The following VPS35 variants were observed in gnomAD, a reference collection of about 807,000 sequenced individuals.
VPS35 encodes the protein vacuolar protein sorting-associated protein 35.
Under a neutral mutation model 98.1 loss-of-function variants are expected in VPS35, and 21 were observed. That is an observed-to-expected ratio of 0.21 (90% CI 0.15 to 0.31). The LOEUF (loss-of-function observed/expected upper bound fraction) is 0.31, where lower values mean the gene tolerates loss of function less well. Among genes scored for constraint, VPS35 ranks in the 10% least tolerant of loss-of-function variants. The pLI is 1.00. For synonymous variants in VPS35, 268 were observed against 318.2 expected (o/e 0.84, Z 1.68); for missense variants, 554 against 950.8 (o/e 0.58, Z 5.49).
rs910180909 is a variant in VPS35, at chr16:46,688,745, G to A, written c.3+386C>T. The stretch of plus-strand genomic sequence containing the variant: ...GGGCGGGTCCCGGCGCCACCTCCGA[G>A]TCTCAGGGCCTCCACGCGCCCCGGG... On this transcript the variant is annotated intron_variant, in intron 1 of 16. Transcript: ENST00000299138. The A allele has an allele frequency of 5.7e-6, 7 of 1,218,306 alleles. No individual in the cohort carries two copies. The South Asian group carries it at 1.5e-4, about 27-fold the overall frequency. 75.5% of individuals were successfully genotyped at this position (1,218,306 alleles called of 1,614,324 possible).
chr16:46,674,774 G>A (rs1966120172), intron 8 of VPS35, 114 bp from the exon 9 acceptor site: 11 of 1,070,026 alleles, frequency 1.0e-5, no homozygotes, highest in Middle Eastern at 3.0e-4. Flanking sequence ...AGCCCAAAAG[G>A]TTTTTGTTTT....
intron 8 of VPS35, among the ~76,000 whole-genome samples, chr16:46,675,238 T>C (rs1430162806): frequency 6.6e-6 from 1 of 152,054 alleles, no homozygotes; most frequent in Non-Finnish European, 1.5e-5. Flanking sequence ...AGAAATGCAT[T>C]AAAGTGACAA....
At chr16:46,670,590 G>A (rs551457398) in intron 12 of VPS35, among the ~76,000 whole-genome samples, 1 of 152,152 alleles carries the variant, frequency 6.6e-6, no homozygotes, top group African/African-American at 2.4e-5. Flanking sequence ...CCGCCGGAAG[G>A]AATAGTTTCT....
intron 7 of VPS35, 34 bp downstream of exon 7, chr16:46,677,281 G>T: frequency 1.9e-6 from 3 of 1,563,826 alleles, no homozygotes; most frequent in Non-Finnish European, 2.6e-6. Context: ...GATAAAATAG[G>T]TCGTTTAAAA....
intron 13 of VPS35, among the ~76,000 whole-genome samples, chr16:46,664,177 A>G (rs936562983): frequency 6.6e-6 from 1 of 152,038 alleles, no homozygotes; most frequent in African/African-American, 2.4e-5. Flanking sequence ...TAACTGTAAT[A>G]TAACTGGCAT....
At chr16:46,680,066 T>C (rs1332045542) in intron 5 of VPS35, among the ~76,000 whole-genome samples, 2 of 152,182 alleles carry the variant, frequency 1.3e-5, no homozygotes. Context: ...GGACCTGTCA[T>C]GTGAACAGCT....
chr16:46,668,373 C>T (rs942658449), intron 13 of VPS35, among the ~76,000 whole-genome samples: 5 of 152,086 alleles, frequency 3.3e-5, no homozygotes, highest in African/African-American at 4.8e-5. Flanking sequence ...CCAGCCCGGG[C>T]GACAGAATGA....
In VPS35 at chr16:46,671,751, C is replaced by T. The variant is rs1041227802; in HGVS notation, c.1478G>A (p.Arg493His). The change falls in exon 12 of 17, where the codon CGC becomes CAC. Residue 493 changes from arginine (R) to histidine (H), a missense_variant. Physicochemically the swap from Arg to His is conservative, Grantham distance 29. This residue lies in a region of VPS35 where 254 missense variants were observed against 390.1 expected (regional missense o/e 0.65). Coordinates refer to ENST00000299138, the MANE Select transcript of VPS35 (RefSeq NM_018206.6). ...DFADEQSLVG[R>H]FIHLLRSEDP... is the part of the protein sequence containing the mutation. ...CTCAGAGCGCAGCAGATGAATGAAG[C>T]GGCCCACAAGGCTCTGCTCATCAGC... 5.6e-6 allele frequency: 9 copies of T among 1,613,982 alleles called. No homozygotes were observed. The highest frequency in any genetic ancestry group is 1.6e-4 in the Middle Eastern group (1 of 6,082).
Position 46,658,329 on chromosome 16 carries a change from C to A in VPS35, c.*2143G>T, listed in dbSNP as rs1395850077. The A allele has an allele frequency of 6.5e-6, 1 of 153,746 alleles. No individual in the cohort carries two copies. Among genetic ancestry groups the A allele is most frequent in the Non-Finnish European group, 1.5e-5 (1 of 68,042 alleles). The allele number at this position is 153,746 out of a possible 1,614,324, so 9.5% of individuals were successfully genotyped here. A position where few individuals can be genotyped will look rare whatever the true frequency, so the allele number is the denominator to read the frequency against. ...TGTAACTACAGGTCTGTCTTCACAG[C>A]AGACTAACGTTCTTGAAGCTAGAGG... On this transcript the variant is annotated 3_prime_UTR_variant, in exon 17 of 17. Transcript: ENST00000299138.
rs33973421 is a variant in VPS35, at chr16:46,660,820, C to CA, written c.2212-170dup. On this transcript the variant is annotated intron_variant, in intron 16 of 16. Transcript: ENST00000299138. ...CCTAGTTTGAACAATTACTGACTAT[C>CA]AAAAAAAAAAAAAAAAAAACAACCC... The CA allele has an allele frequency of 0.42, 140,848 of 335,362 alleles. 24,116 individuals carry two copies. Among genetic ancestry groups the CA allele is most frequent in the African/African-American group, 0.67 (23,615 of 35,432 alleles). The allele number at this position is 335,362 out of a possible 1,614,324, so 20.8% of individuals were successfully genotyped here.
At chr16:46,663,662 G>A (rs1461063031) in intron 13 of VPS35, among the ~76,000 whole-genome samples, 3 of 151,606 alleles carry the variant, frequency 2.0e-5, no homozygotes, top group African/African-American at 7.3e-5. Flanking sequence ...CTCCCAAAGT[G>A]CTGGGATCAC....
chr16:46,682,822 A>G (rs1318285988), intron 2 of VPS35: 2 of 154,320 alleles, frequency 1.3e-5, no homozygotes, highest in East Asian at 3.8e-4. Context: ...TGCTTTAGAA[A>G]GCACAGTAAG....
In VPS35 at chr16:46,661,807, T is replaced by G. The variant is rs199940967; in HGVS notation, c.2122A>C (p.Asn708His). ...TGTAGAGAGGGGTCCATGCACTGAT[T>G]TGCTATTTTTAGAGCTTTTTTTAGG... ...ECLKKALKIA[N>H]QCMDPSLQVQ... The change falls in exon 16 of 17, where the codon AAT (asparagine) becomes CAT (histidine). Residue 708 changes from asparagine (N) to histidine (H), a missense_variant. By Grantham distance (68) the Asn-to-His change is moderately conservative. Coordinates refer to ENST00000299138, the MANE Select transcript of VPS35 (RefSeq NM_018206.6). This position sits in a 1 kb window ranked among gnomAD's most constrained non-coding sequence, Gnocchi z 4.3. 2.3e-4 allele frequency: 367 copies of G among 1,614,146 alleles called. 3 individuals carry two copies. In the South Asian group the frequency reaches 3.7e-3, roughly 16 times the overall value.
Position 46,681,572 on chromosome 16 carries a change from C to A in VPS35, c.200-72G>T. ...ACAAAACTTTGAAACTTGTTGGAGT[C>A]ATTACTAACTACTGGGCAGACATCT... On this transcript the variant is annotated intron_variant, in intron 3 of 16. Transcript: ENST00000299138. The A allele has an allele frequency of 1.9e-6, 3 of 1,543,246 alleles. No individual in the cohort carries two copies. The South Asian group carries it at 3.4e-5, about 17-fold the overall frequency.
intron 6 of VPS35, among the ~76,000 whole-genome samples, chr16:46,678,625 C>T (rs891996581): frequency 2.6e-5 from 4 of 152,160 alleles, no homozygotes; most frequent in East Asian, 1.9e-4. Context: ...TTTTCAAATT[C>T]GTTGTAGCTG....
At chr16:46,683,377 G>T in intron 2 of VPS35, 131 bp downstream of exon 2, 1 of 853,430 alleles carries the variant, frequency 1.2e-6, no homozygotes. Context: ...TGAGGGAGAT[G>T]AGACTGAAGA....
chr16:46,688,733 C>T, intron 1 of VPS35: 1 of 1,192,688 alleles, frequency 8.4e-7, no homozygotes, highest in Non-Finnish European at 1.0e-6. Context: ...CGGGTCCCGG[C>T]GCCACCTCCG....
chr16:46,676,750 A>G, intron 7 of VPS35, 58 bp from the exon 8 acceptor site: 1 of 1,244,034 alleles, frequency 8.0e-7, no homozygotes, highest in Non-Finnish European at 1.2e-6. Flanking sequence ...CTGGACTCAC[A>G]TATGGTAAAG....
intron 2 of VPS35, chr16:46,682,843 A>C (rs1441300500): frequency 6.5e-6 from 1 of 153,980 alleles, no homozygotes; most frequent in Non-Finnish European, 1.4e-5. Flanking sequence ...ACATTTTACA[A>C]AGGTAAAATA....
Sources: allele counts gnomAD v4.1 joint callset (sites outside exome capture counted in the v4.1 genomes callset), GRCh38; gene constraint gnomAD v4.1.1; regional missense constraint gnomAD v4.1.1; non-coding constraint Gnocchi (gnomAD v3.1); transcripts MANE v1.5; gene names NCBI Gene and HGNC (gene_info 2026-07-23, HGNC 2026-07-21).